RPAP2: variants seen among roughly 807,000 people sequenced by gnomAD.
The protein encoded by RPAP2 is putative RNA polymerase II subunit B1 CTD phosphatase RPAP2.
Under a neutral mutation model 73.1 loss-of-function variants are expected in RPAP2, and 52 were observed. That is an observed-to-expected ratio of 0.71 (90% CI 0.57 to 0.90). The LOEUF (loss-of-function observed/expected upper bound fraction) is 0.90, where lower values mean the gene tolerates loss of function less well. Among genes scored for constraint, RPAP2 ranks in the 40% least tolerant of loss-of-function variants. RPAP2 has a pLI of 0.00. For synonymous variants in RPAP2, 225 were observed against 242.1 expected (o/e 0.93, Z 0.65); for missense variants, 598 against 701.8 (o/e 0.85, Z 1.67).
At position 92,401,482 on chromosome 1, in the gene RPAP2, A is replaced by G. The variant is rs1197959425; in HGVS notation, c.*14471A>G. 1.3e-5 allele frequency: 2 copies of G among 152,192 alleles called. No homozygotes were observed. Among genetic ancestry groups the G allele is most frequent in the Non-Finnish European group, 2.9e-5 (2 of 68,036 alleles). The allele number at this position is 152,192 out of a possible 1,614,324, so 9.4% of individuals were successfully genotyped here. On this transcript the variant is annotated 3_prime_UTR_variant, in exon 13 of 13. Transcript: ENST00000610020. ...TTTCTACATACACAATCATGTCATC[A>G]GCAAATAAAGATTATTGTACTTGTT...
At chr1:92,374,550 C>T (rs1655307658) in intron 11 of RPAP2, among the ~76,000 whole-genome samples, 1 of 152,158 alleles carries the variant, frequency 6.6e-6, no homozygotes, top group African/African-American at 2.4e-5. Flanking sequence ...ACTCCAATGA[C>T]ACCTATCATT....
rs1252201421 is a variant in RPAP2 at position 92,392,352 on chromosome 1, C to G, written c.*5341C>G. On this transcript the variant is annotated 3_prime_UTR_variant, in exon 13 of 13. Coordinates refer to ENST00000610020, the MANE Select transcript of RPAP2 (RefSeq NM_024813.3). ...TCAACAGCCTTTCATGCTAAAAACCCTCAATAAACTAGGTATTGATGGAAT... is the reference window on the plus strand; with the variant it reads ...TCAACAGCCTTTCATGCTAAAAACCGTCAATAAACTAGGTATTGATGGAAT... 1 of 152,090 alleles carries G rather than the reference C, an allele frequency of 6.6e-6. No individual in the cohort carries two copies. The highest frequency in any genetic ancestry group is 6.5e-5 in the Admixed American group (1 of 15,272). The allele number at this position is 152,090 out of a possible 1,614,324, so 9.4% of individuals were successfully genotyped here.
intron 11 of RPAP2, among the ~76,000 whole-genome samples, chr1:92,351,701 A>C (rs1654227422): frequency 6.6e-6 from 1 of 152,138 alleles, no homozygotes; most frequent in Admixed American, 6.5e-5. Flanking sequence ...GTCCAGACCA[A>C]AACTGGCAGC....
intron 11 of RPAP2, among the ~76,000 whole-genome samples, chr1:92,370,673 A>G (rs1314794021): frequency 2.0e-5 from 3 of 151,954 alleles, no homozygotes; most frequent in Non-Finnish European, 4.4e-5. Flanking sequence ...ATATTAAGAA[A>G]GGGTCTATTC....
At chr1:92,364,614 A>G (rs886566865) in intron 11 of RPAP2, among the ~76,000 whole-genome samples, 2 of 152,116 alleles carry the variant, frequency 1.3e-5, no homozygotes, top group Admixed American at 6.6e-5. Context: ...TGGCATTGGT[A>G]TCCTCCTAAT....
intron 12 of RPAP2, among the ~76,000 whole-genome samples, chr1:92,382,524 T>C (rs1287883112): frequency 1.3e-5 from 2 of 152,178 alleles, no homozygotes; most frequent in Non-Finnish European, 2.9e-5. Flanking sequence ...TGGCCAGTGA[T>C]GATGAGCATT....
chr1:92,329,666 C>T (rs1269636043), intron 8 of RPAP2, among the ~76,000 whole-genome samples: 1 of 152,180 alleles, frequency 6.6e-6, no homozygotes. Context: ...TTAGTCCTGC[C>T]TCCTATCTGC....
intron 12 of RPAP2, among the ~76,000 whole-genome samples, chr1:92,385,951 G>C (rs1036648731): frequency 6.6e-6 from 1 of 152,176 alleles, no homozygotes; most frequent in African/African-American, 2.4e-5. Flanking sequence ...TCACTCATGT[G>C]GTTGTTGGCA....
chr1:92,320,530 A>T (rs1310018508), intron 6 of RPAP2, 69 bp from the exon 7 acceptor site: 1 of 1,319,632 alleles, frequency 7.6e-7, no homozygotes, highest in Non-Finnish European at 1.1e-6. Flanking sequence ...CCAGCCTCCG[A>T]AAGTGCTGGG....
rs1261638842 is a variant in RPAP2 at position 92,389,843 on chromosome 1, G to C, written c.*2832G>C. 6.6e-6 allele frequency: 1 copy of C among 152,036 alleles called. No individual in the cohort carries two copies. Among genetic ancestry groups the C allele is most frequent in the African/African-American group, 2.4e-5 (1 of 41,390 alleles). The allele number at this position is 152,036 out of a possible 1,614,324, so 9.4% of individuals were successfully genotyped here. ...AATAAAGCGAGAGGACAAGATTAGA[G>C]AAAAAAGAGTGAAAAGAAATGAACA... On this transcript the variant is annotated 3_prime_UTR_variant, in exon 13 of 13. Coordinates refer to ENST00000610020, the MANE Select transcript of RPAP2 (RefSeq NM_024813.3).
chr1:92,339,332 G>GC (rs57222992), intron 10 of RPAP2, among the ~76,000 whole-genome samples: 4,650 of 37,666 alleles, frequency 0.12, 194 homozygotes, highest in African/African-American at 0.27. Flanking sequence ...CCCCACAACC[G>GC]CCCCCCAATC....
intron 3 of RPAP2, among the ~76,000 whole-genome samples, chr1:92,302,271 C>G (rs1650903868): frequency 6.7e-6 from 1 of 149,366 alleles, no homozygotes; most frequent in South Asian, 2.1e-4. Flanking sequence ...GAGTGAGACT[C>G]TGTCTCAAAA....
chr1:92,331,211 G>A (rs1237496833), intron 8 of RPAP2, among the ~76,000 whole-genome samples: 1 of 152,046 alleles, frequency 6.6e-6, no homozygotes, highest in Non-Finnish European at 1.5e-5. Flanking sequence ...CTTTCTATTT[G>A]CTTTTTTTCT....
intron 11 of RPAP2, among the ~76,000 whole-genome samples, chr1:92,376,578 T>G (rs1655395681): frequency 6.6e-6 from 1 of 152,210 alleles, no homozygotes; most frequent in Non-Finnish European, 1.5e-5. Context: ...GTTGATATTC[T>G]TGTCTCCACC....
At position 92,399,875 on chromosome 1, in the gene RPAP2, T is replaced by A. The variant is rs1656272617; in HGVS notation, c.*12864T>A. ...CACCTTCAAAGTCAACCAGAATGAC[T>A]CTTAACCTCTCTTGTCTGGGTTGGG... On this transcript the variant is annotated 3_prime_UTR_variant, in exon 13 of 13. Transcript: ENST00000610020. 1 of 152,168 alleles carries A rather than the reference T, an allele frequency of 6.6e-6. No individual in the cohort carries two copies. Among genetic ancestry groups the A allele is most frequent in the Non-Finnish European group, 1.5e-5 (1 of 68,046 alleles). The allele number at this position is 152,168 out of a possible 1,614,324, so 9.4% of individuals were successfully genotyped here.
intron 10 of RPAP2, among the ~76,000 whole-genome samples, chr1:92,343,165 G>C (rs962528873): frequency 6.6e-6 from 1 of 152,198 alleles, no homozygotes; most frequent in Admixed American, 6.5e-5. Context: ...GTGCTCATGA[G>C]AGGTGGGGGA....
chr1:92,301,842 TAA>T (rs1001827043), intron 3 of RPAP2, among the ~76,000 whole-genome samples: 2 of 152,206 alleles, frequency 1.3e-5, no homozygotes, highest in Non-Finnish European at 2.9e-5. Flanking sequence ...TCAAAATTAA[TAA>T]GAGTGGATTT....
chr1:92,375,897 A>G (rs1181274999), intron 11 of RPAP2, among the ~76,000 whole-genome samples: 4 of 150,638 alleles, frequency 2.7e-5, no homozygotes, highest in African/African-American at 9.8e-5. Context: ...CCACTCAGGA[A>G]GCAGAGGCCC....
Position 92,398,368 on chromosome 1 carries a change from T to TG in RPAP2, c.*11359dup, listed in dbSNP as rs953717838. On this transcript the variant is annotated 3_prime_UTR_variant, in exon 13 of 13. Coordinates refer to ENST00000610020, the MANE Select transcript of RPAP2 (RefSeq NM_024813.3). The stretch of plus-strand genomic sequence containing the variant: ...GGAGTGAACCACCGCACCTGGCCAG[T>TG]GGAGTCTTTTTAAGGTATTATTTAG... 3.1e-4 allele frequency: 47 copies of TG among 152,114 alleles called. No individual in the cohort carries two copies. Among genetic ancestry groups the TG allele is most frequent in the African/African-American group, 1.1e-3 (47 of 41,506 alleles). The allele number at this position is 152,114 out of a possible 1,614,324, so 9.4% of individuals were successfully genotyped here.
Sources: gnomAD v4.1 joint callset for allele counts (sites outside exome capture counted in the v4.1 genomes callset) on GRCh38, gnomAD v4.1.1 for gene constraint, MANE v1.5 for transcripts, NCBI Gene and HGNC (gene_info 2026-07-23, HGNC 2026-07-21) for gene names.